The following RYR1 variants were observed in gnomAD, a reference collection of about 807,000 sequenced individuals.
RYR1 encodes ryanodine receptor 1, also known as central core disease of muscle.
Under a neutral mutation model 583.5 loss-of-function variants are expected in RYR1, and 342 were observed. The observed-to-expected ratio is 0.59, with a 90% CI of 0.54 to 0.64. The LOEUF (loss-of-function observed/expected upper bound fraction) is 0.64. Among genes scored for constraint, RYR1 ranks in the 30% least tolerant of loss-of-function variants. The probability of loss-of-function intolerance (pLI) is 0.00; values close to 1 mark genes in which losing one functional copy is unlikely to be tolerated. For missense variants in RYR1, 6,032 were observed against 6,917.2 expected, an observed-to-expected ratio of 0.87 and a Z score of 4.54; for synonymous variants, 2,791 against 2,822.5, an observed-to-expected ratio of 0.99 and a Z score of 0.35.
At chr19:38,452,239 C>A (rs1488948347) in intron 12 of RYR1, among the ~76,000 whole-genome samples, 1 of 151,404 alleles carries the variant, frequency 6.6e-6, no homozygotes. Context: ...GAGTTCGAGA[C>A]CAGCCTGAGC....
intron 101 of RYR1, among the ~76,000 whole-genome samples, chr19:38,582,301 A>G (rs774985829): frequency 4.0e-5 from 6 of 151,872 alleles, no homozygotes; most frequent in South Asian, 2.1e-4. Flanking sequence ...GGAGGCTGAG[A>G]CAGGAGAATC....
intron 66 of RYR1, 91 bp downstream of exon 66, chr19:38,517,782 C>T (rs910566520): frequency 1.2e-5 from 16 of 1,302,346 alleles, no homozygotes; most frequent in South Asian, 6.1e-5. Context: ...ATGGTCCCCT[C>T]GGAGTTGGGA....
In RYR1 at chr19:38,527,068, C is replaced by G; in HGVS notation, c.10686+16C>G. 1 of 1,613,588 alleles carries G rather than the reference C, an allele frequency of 6.2e-7. No homozygotes were observed. Among genetic ancestry groups the G allele is most frequent in the Non-Finnish European group, 8.5e-7 (1 of 1,179,642 alleles). On this transcript the variant is annotated intron_variant, in intron 72 of 105. Coordinates refer to ENST00000359596, the MANE Select transcript of RYR1 (RefSeq NM_000540.3). The stretch of plus-strand genomic sequence containing the variant: ...TCAGGGAAAGGTATGCCTCCTTCCT[C>G]TGCAAGCAAAAGAAGCAAGTCAGAA...
chr19:38,450,146 G>A (rs867215656), intron 11 of RYR1, among the ~76,000 whole-genome samples: 13 of 152,184 alleles, frequency 8.5e-5, no homozygotes, highest in Non-Finnish European at 1.2e-4. Context: ...AACAGACTAC[G>A]GTCAGGGGAC....
At chr19:38,526,907 G>A in intron 71 of RYR1, 86 bp from the exon 72 acceptor site, 1 of 1,441,592 alleles carries the variant, frequency 6.9e-7, no homozygotes, top group Non-Finnish European at 9.7e-7. Context: ...TCAGTTCCTG[G>A]GGTGCTGGGC....
chr19:38,452,478 G>A (rs892003927), intron 12 of RYR1, among the ~76,000 whole-genome samples: 10 of 151,992 alleles, frequency 6.6e-5, no homozygotes, highest in African/African-American at 2.4e-4. Flanking sequence ...CTAAACTCCT[G>A]ACCTCTGTAC....
Position 38,499,218 on chromosome 19 carries a change from C to T in RYR1, c.7002C>T (p.Phe2334=), listed in dbSNP as rs1447367510. 3.7e-6 allele frequency: 6 copies of T among 1,614,094 alleles called. No homozygotes were observed. In the South Asian group the frequency reaches 6.6e-5, roughly 18 times the overall value. ...GTGGTGGAGAGCGCTACCTGGACTT[C>T]CTGCGCTTTGCTGTCTTCGTCAACG... ...NPCGGERYLD[F]LRFAVFVNGE... Residue 2334 remains phenylalanine, a synonymous_variant, in exon 43 of 106, where the codon TTC becomes TTT. Transcript: ENST00000359596. This position sits in a 1 kb window ranked among gnomAD's most constrained non-coding sequence, Gnocchi z 7.3.
chr19:38,562,069 C>T (rs1450782915), intron 90 of RYR1, among the ~76,000 whole-genome samples: 1 of 152,070 alleles, frequency 6.6e-6, no homozygotes, highest in African/African-American at 2.4e-5. Context: ...TGCACACACA[C>T]CCTGAGGATG....
intron 1 of RYR1, among the ~76,000 whole-genome samples, chr19:38,435,368 C>T (rs555121696): frequency 1.3e-5 from 2 of 152,288 alleles, no homozygotes; most frequent in Admixed American, 1.3e-4. Context: ...GGAGGCTTGG[C>T]CCTGGAATCT....
intron 88 of RYR1, among the ~76,000 whole-genome samples, chr19:38,547,205 AT>A (rs1204178433): frequency 0.018 from 2,209 of 123,628 alleles, 38 homozygotes; most frequent in African/African-American, 0.057. Context: ...CACCTGGCTA[AT>A]TTTTTTTTTT....
intron 1 of RYR1, among the ~76,000 whole-genome samples, chr19:38,435,349 T>G (rs1972379813): frequency 6.6e-6 from 1 of 152,180 alleles, no homozygotes; most frequent in African/African-American, 2.4e-5. Flanking sequence ...TAGTCAGCGT[T>G]AGGGTTCTGG....
chr19:38,580,261 G>A, intron 100 of RYR1, 109 bp from the exon 101 acceptor site: 1 of 1,586,990 alleles, frequency 6.3e-7, no homozygotes, highest in Non-Finnish European at 8.6e-7. Context: ...GGTGTGTGGG[G>A]CAGCAAGGTA....
chr19:38,441,783 A>C lies in RYR1; in HGVS notation c.166-566A>C, dbSNP rs190645477. Among the ~76,000 whole-genome samples, 3 of 152,010 alleles carry C rather than the reference A, an allele frequency of 2.0e-5. No homozygotes were observed. The East Asian group carries it at 5.8e-4, about 29-fold the overall frequency. On this transcript the variant is annotated intron_variant, in intron 2 of 105. Transcript: ENST00000359596. ...TGAGCGAGTGGGGTCTGAGGAGCAG[A>C]GTCTTGAGTTTAGGAGTTGGACGGT...
chr19:38,503,325 C>T (rs1231596459), intron 49 of RYR1, among the ~76,000 whole-genome samples: 2 of 152,204 alleles, frequency 1.3e-5, no homozygotes, highest in Admixed American at 1.3e-4. Flanking sequence ...CAAATGAGTG[C>T]ATTTATTTGA....
At position 38,512,283 on chromosome 19, in the gene RYR1, G is replaced by C. The variant is rs1555787328; in HGVS notation, c.9272G>C (p.Gly3091Ala). ...MKSGPEIVKA[G>A]LRSFFESASE... ...TCAGGCCCTGAGATCGTGAAGGCTG[G>C]CCTCCGCTCCTTCTTCGAGAGTGCC... The change falls in exon 63 of 106, where the codon GGC becomes GCC. Residue 3091 changes from glycine to alanine, a missense_variant. Coordinates refer to ENST00000359596, the MANE Select transcript of RYR1 (RefSeq NM_000540.3). The surrounding 1 kb of genome is among the most constrained non-coding windows in gnomAD (Gnocchi z 5.1). 1 of 1,614,248 alleles carries C rather than the reference G, an allele frequency of 6.2e-7. No individual in the cohort carries two copies. The highest frequency in any genetic ancestry group is 8.5e-7 in the Non-Finnish European group (1 of 1,180,048).
intron 58 of RYR1, among the ~76,000 whole-genome samples, chr19:38,509,876 A>C (rs1297308718): frequency 6.6e-6 from 1 of 152,172 alleles, no homozygotes; most frequent in Non-Finnish European, 1.5e-5. Flanking sequence ...CATTTGGTTC[A>C]TTCATTCATT....
chr19:38,502,730 G>A lies in RYR1; in HGVS notation c.7835+3G>A, dbSNP rs937552265. 3.8e-6 allele frequency: 6 copies of A among 1,582,086 alleles called. No homozygotes were observed. The African/African-American group carries it at 5.5e-5, about 15-fold the overall frequency. On this transcript the variant is annotated splice_donor_region_variant and intron_variant, in intron 48 of 105. Coordinates refer to ENST00000359596, the MANE Select transcript of RYR1 (RefSeq NM_000540.3). ...GACTGCCTCATGTCGCTCTGCAGGT[G>A]GAGCGGGGCAGGCTTCAGGGTGGGG...
chr19:38,453,057 G>A (rs1274614575), intron 13 of RYR1, 43 bp downstream of exon 13: 4 of 1,599,214 alleles, frequency 2.5e-6, no homozygotes, highest in Non-Finnish European at 3.4e-6. Context: ...TGGGCCCAGG[G>A]GGCGGGACCA....
intron 39 of RYR1, among the ~76,000 whole-genome samples, chr19:38,495,736 A>G (rs1187017482): frequency 1.3e-5 from 2 of 152,084 alleles, no homozygotes; most frequent in African/African-American, 4.8e-5. Context: ...TGAGGGAAAC[A>G]GGGACCCTTC....
Sources: allele counts gnomAD v4.1 joint callset (sites outside exome capture counted in the v4.1 genomes callset), GRCh38; gene constraint gnomAD v4.1.1; non-coding constraint Gnocchi (gnomAD v3.1); transcripts MANE v1.5; gene names NCBI Gene and HGNC (gene_info 2026-07-23, HGNC 2026-07-21).